SV2C: variants seen among roughly 807,000 people sequenced by gnomAD.
SV2C encodes synaptic vesicle glycoprotein 2C.
A neutral mutation model predicts 79.7 loss-of-function variants in SV2C; 49 were observed. The ratio of observed to expected loss-of-function variants is 0.61; its 90% CI spans 0.49 to 0.78. The LOEUF (loss-of-function observed/expected upper bound fraction) is 0.78, where lower values mean the gene tolerates loss of function less well. SV2C is among the 30% of genes least tolerant of loss of function. The probability of loss-of-function intolerance (pLI) is 0.00; values close to 1 mark genes in which losing one functional copy is unlikely to be tolerated. For missense variants in SV2C, 833 were observed against 912.9 expected (o/e 0.91, Z 1.13); for synonymous variants, 334 against 333.2 (o/e 1.00, Z -0.03).
chr5:75,901,810 G>T, the SV2C span, among the ~76,000 whole-genome samples: 1 of 152,234 alleles, frequency 6.6e-6, no homozygotes, highest in African/African-American at 2.4e-5. Context: ...CCCTCCCCCA[G>T]CCTTGCTGCC....
intron 4 of SV2C, 41 bp from the exon 5 acceptor site, chr5:76,285,121 G>C: frequency 1.2e-6 from 2 of 1,609,186 alleles, no homozygotes; most frequent in Non-Finnish European, 1.7e-6. Flanking sequence ...GAGGCTGTCT[G>C]GGAGGAGCTC....
chr5:76,220,641 T>G (rs973546015), intron 4 of SV2C, among the ~76,000 whole-genome samples: 1 of 148,242 alleles, frequency 6.7e-6, no homozygotes, highest in Admixed American at 6.7e-5. Context: ...AAAAAAGAAT[T>G]GACTAGATAG....
chr5:76,070,500 T>C, the SV2C span, among the ~76,000 whole-genome samples: 4 of 152,210 alleles, frequency 2.6e-5, no homozygotes, highest in South Asian at 8.3e-4. Context: ...TAAGAATACA[T>C]AGCTCTGCCT....
At position 76,254,222 on chromosome 5, in the gene SV2C, GTA is replaced by G. The variant is rs1353005025; in HGVS notation, c.914-30932_914-30931del. Among the ~76,000 whole-genome samples the G allele has an allele frequency of 2.6e-3, 332 of 129,824 alleles. 7 individuals are homozygous for G. In the East Asian group the frequency reaches 0.058, roughly 22 times the overall value. The allele number at this position is 129,824 out of a possible 152,430, so 85.2% of individuals were successfully genotyped here. On this transcript the variant is annotated intron_variant, in intron 4 of 12. Transcript: ENST00000502798. ...TATATGTGTGTATATATATGTGTGT[GTA>G]TATATATGTGTGTGTGTATATATAT...
the SV2C span, among the ~76,000 whole-genome samples, chr5:76,011,933 C>T: frequency 5.6e-4 from 85 of 152,218 alleles, no homozygotes; most frequent in African/African-American, 1.8e-3. Context: ...CTGCAAAGGA[C>T]GTGAACTCAT....
chr5:76,105,473 C>A (rs929198437), intron 1 of SV2C, among the ~76,000 whole-genome samples: 1 of 152,122 alleles, frequency 6.6e-6, no homozygotes, highest in Admixed American at 6.5e-5. Context: ...TCCCTCAAAC[C>A]AGTTGAGTAG....
At chr5:76,093,131 T>C (rs1223750560) in intron 1 of SV2C, among the ~76,000 whole-genome samples, 1 of 152,190 alleles carries the variant, frequency 6.6e-6, no homozygotes, top group African/African-American at 2.4e-5. Flanking sequence ...TTTCACAAAC[T>C]GAACATGTCT....
the SV2C span, among the ~76,000 whole-genome samples, chr5:75,908,095 A>G: frequency 3.2e-4 from 49 of 152,336 alleles, no homozygotes; most frequent in Admixed American, 9.1e-4. Context: ...ACACAATTCA[A>G]TCGTTTTTAG....
At chr5:76,042,103 G>C in the SV2C span, among the ~76,000 whole-genome samples, 2,261 of 152,252 alleles carry the variant, frequency 0.015, 53 homozygotes, top group African/African-American at 0.047. Context: ...CACAGGGTCT[G>C]GTTACTCTGG....
At chr5:76,274,135 G>A (rs898436703) in intron 4 of SV2C, among the ~76,000 whole-genome samples, 6 of 152,146 alleles carry the variant, frequency 3.9e-5, no homozygotes, top group African/African-American at 1.2e-4. Context: ...ATTGAATAGT[G>A]GCACAATTAT....
chr5:75,856,547 T>C, the SV2C span, among the ~76,000 whole-genome samples: 80 of 152,240 alleles, frequency 5.3e-4, no homozygotes, highest in African/African-American at 1.9e-3. Flanking sequence ...TGATCCATGA[T>C]GTTGAGCAGC....
At chr5:76,295,444 C>T (rs938379852) in intron 8 of SV2C, among the ~76,000 whole-genome samples, 21 of 152,308 alleles carry the variant, frequency 1.4e-4, no homozygotes, top group African/African-American at 4.8e-4. Flanking sequence ...GGTTTAAGTT[C>T]CAACACATAA....
At chr5:75,888,726 T>C in the SV2C span, among the ~76,000 whole-genome samples, 2 of 152,144 alleles carry the variant, frequency 1.3e-5, no homozygotes, top group Admixed American at 1.3e-4. Flanking sequence ...TGGCTTAGCA[T>C]AATTTGTAAT....
chr5:76,123,303 G>T (rs1228614005), intron 1 of SV2C, among the ~76,000 whole-genome samples: 3 of 152,158 alleles, frequency 2.0e-5, no homozygotes, highest in Non-Finnish European at 4.4e-5. Flanking sequence ...GAGGTAAAAG[G>T]AGGAACTGGC....
At chr5:75,891,981 T>A in the SV2C span, among the ~76,000 whole-genome samples, 5 of 152,080 alleles carry the variant, frequency 3.3e-5, no homozygotes, top group Non-Finnish European at 7.4e-5. Flanking sequence ...CAGCAAAATC[T>A]GATCACCTGT....
At chr5:76,214,298 C>T (rs936037059) in intron 4 of SV2C, among the ~76,000 whole-genome samples, 4 of 152,112 alleles carry the variant, frequency 2.6e-5, no homozygotes, top group Non-Finnish European at 1.5e-5. Context: ...CTATCCTTTC[C>T]TTATGGGGTA....
chr5:76,289,979 G>C (rs191605072), intron 6 of SV2C, among the ~76,000 whole-genome samples: 15 of 152,132 alleles, frequency 9.9e-5, no homozygotes, highest in Admixed American at 3.3e-4. Flanking sequence ...TTTGCATCCC[G>C]CATGGGTGCC....
chr5:75,941,781 T>G, the SV2C span, among the ~76,000 whole-genome samples: 1 of 152,172 alleles, frequency 6.6e-6, no homozygotes, highest in African/African-American at 2.4e-5. Flanking sequence ...TTCTCCAAGG[T>G]AGGAATCTTT....
the SV2C span, among the ~76,000 whole-genome samples, chr5:75,928,903 T>A: frequency 6.6e-6 from 1 of 152,052 alleles, no homozygotes; most frequent in African/African-American, 2.4e-5. Flanking sequence ...GATAGTACAA[T>A]TGGAATATTA....
Sources: gnomAD v4.1 joint callset for allele counts (sites outside exome capture counted in the v4.1 genomes callset) on GRCh38, gnomAD v4.1.1 for gene constraint, MANE v1.5 for transcripts, NCBI Gene and HGNC (gene_info 2026-07-23, HGNC 2026-07-21) for gene names.